Variants in SLC49A4 observed in about 807,000 individuals in gnomAD.
The protein encoded by SLC49A4 is disrupted in renal cancer protein 2.
SLC49A4 carries 36 observed loss-of-function variants against 50.6 expected under a neutral mutation model. The observed-to-expected ratio is 0.71, with a 90% CI of 0.55 to 0.94. SLC49A4 has a LOEUF of 0.94. Among genes scored for constraint, SLC49A4 ranks in the 40% least tolerant of loss-of-function variants. The pLI, the probability that SLC49A4 is intolerant of heterozygous loss-of-function variation, is 0.00. For synonymous variants in SLC49A4, 248 were observed against 241.2 expected (o/e 1.03, Z -0.26); for missense variants, 503 against 605.7 (o/e 0.83, Z 1.78).
rs576406645 is a variant in SLC49A4, at chr3:122,866,537, T to G, written c.1139-5878T>G. Among the ~76,000 whole-genome samples the G allele has an allele frequency of 4.6e-5, 7 of 152,252 alleles. No homozygotes were observed. The East Asian group carries it at 1.4e-3, about 29-fold the overall frequency. ...CTCCCACAAGAGAAGACATCACCTG[T>G]TTTGTTGTTAGCTCTGGGGCCTAGA... On this transcript the variant is annotated intron_variant, in intron 7 of 8. Transcript: ENST00000261038.
intron 5 of SLC49A4, among the ~76,000 whole-genome samples, chr3:122,854,954 G>T (rs551661807): frequency 1.3e-5 from 2 of 152,222 alleles, no homozygotes; most frequent in African/African-American, 4.8e-5. Flanking sequence ...TTAGCCGGGC[G>T]TGGTGGCGGG....
intron 2 of SLC49A4, among the ~76,000 whole-genome samples, chr3:122,824,730 CTTTTTTTT>C (rs71621693): frequency 1.2e-5 from 1 of 82,918 alleles, no homozygotes; most frequent in African/African-American, 4.5e-5. Flanking sequence ...TTTTTTCCTT[CTTTTTTTT>C]TTTTTTTTTT....
At chr3:122,845,235 TGTTA>T (rs1379002646) in intron 4 of SLC49A4, among the ~76,000 whole-genome samples, 3 of 152,138 alleles carry the variant, frequency 2.0e-5, no homozygotes, top group African/African-American at 7.2e-5. Context: ...TCTGTTCCTG[TGTTA>T]GTTTTCTTAG....
chr3:122,809,487 T>A (rs761407456), intron 2 of SLC49A4, among the ~76,000 whole-genome samples: 44 of 152,160 alleles, frequency 2.9e-4, no homozygotes, highest in Non-Finnish European at 5.1e-4. Flanking sequence ...TTTGGGAGGC[T>A]GAGACAGGTG....
In SLC49A4 at chr3:122,879,582, A is replaced by G. The variant is rs963043877; in HGVS notation, c.*204A>G. ...GACTTGAGTGATAATAGGGGATTTT[A>G]AAACTCTACAGATGGCATACCTGTG... On this transcript the variant is annotated 3_prime_UTR_variant, in exon 9 of 9. Coordinates refer to ENST00000261038, the MANE Select transcript of SLC49A4 (RefSeq NM_032839.3). The G allele has an allele frequency of 1.5e-5, 7 of 452,548 alleles. No homozygotes were observed. Among genetic ancestry groups the G allele is most frequent in the African/African-American group, 1.2e-4 (6 of 49,290 alleles). 28.0% of individuals were successfully genotyped at this position (452,548 alleles called of 1,614,324 possible). A position where few individuals can be genotyped will look rare whatever the true frequency, so the allele number is the denominator to read the frequency against.
intron 6 of SLC49A4, among the ~76,000 whole-genome samples, chr3:122,858,588 A>G (rs1306219784): frequency 6.6e-6 from 1 of 152,118 alleles, no homozygotes; most frequent in Admixed American, 6.6e-5. Context: ...ATTTTATTCT[A>G]GAAAACACAA....
intron 3 of SLC49A4, 49 bp downstream of exon 3, chr3:122,827,114 A>G (rs958718221): frequency 9.6e-6 from 15 of 1,566,782 alleles, no homozygotes; most frequent in African/African-American, 4.1e-5. Context: ...TTTTATCTCA[A>G]TCATCTTCAC....
At chr3:122,822,350 A>G (rs192220256) in intron 2 of SLC49A4, among the ~76,000 whole-genome samples, 2 of 152,320 alleles carry the variant, frequency 1.3e-5, no homozygotes, top group African/African-American at 4.8e-5. Context: ...GTGAAAGTGG[A>G]GAGACTTTTT....
chr3:122,802,199 G>A (rs1027292169), intron 1 of SLC49A4, among the ~76,000 whole-genome samples: 1 of 151,994 alleles, frequency 6.6e-6, no homozygotes, highest in Admixed American at 6.6e-5. Flanking sequence ...TAAAACAATG[G>A]TTTTCAAACA....
intron 7 of SLC49A4, 71 bp downstream of exon 7, chr3:122,860,273 A>T: frequency 7.4e-7 from 1 of 1,351,694 alleles, no homozygotes; most frequent in Admixed American, 2.8e-5. Flanking sequence ...CTCTGACAGT[A>T]GGACTTCTTC....
chr3:122,833,464 C>T lies in SLC49A4; in HGVS notation c.833+18C>T. On this transcript the variant is annotated intron_variant, in intron 4 of 8. Transcript: ENST00000261038. The stretch of plus-strand genomic sequence containing the variant: ...TTATTAAGGTAAATATACTGAGAGT[C>T]ACTGGATGGCTTTGACTGACACCTT... 2 of 1,604,856 alleles carry T rather than the reference C, an allele frequency of 1.2e-6. No homozygotes were observed. Among genetic ancestry groups the T allele is most frequent in the Middle Eastern group, 3.3e-4 (2 of 6,006 alleles).
At chr3:122,818,371 G>T (rs1936406458) in intron 2 of SLC49A4, among the ~76,000 whole-genome samples, 1 of 152,088 alleles carries the variant, frequency 6.6e-6, no homozygotes, top group Non-Finnish European at 1.5e-5. Context: ...AAAAACTGAA[G>T]AAAAGACTGG....
At chr3:122,802,417 T>C (rs977293705) in intron 1 of SLC49A4, among the ~76,000 whole-genome samples, 3 of 152,186 alleles carry the variant, frequency 2.0e-5, no homozygotes, top group Admixed American at 6.5e-5. Flanking sequence ...GAGGAAACTT[T>C]ACAGAGAATG....
chr3:122,803,035 A>C (rs1418150001), intron 1 of SLC49A4, among the ~76,000 whole-genome samples: 1 of 152,182 alleles, frequency 6.6e-6, no homozygotes, highest in Non-Finnish European at 1.5e-5. Context: ...AAATTGAAGA[A>C]ATAATGGCAG....
chr3:122,820,676 G>C (rs980814250), intron 2 of SLC49A4, among the ~76,000 whole-genome samples: 6 of 152,330 alleles, frequency 3.9e-5, no homozygotes, highest in Non-Finnish European at 8.8e-5. Flanking sequence ...CTGTGCACCA[G>C]CTCCATCCCA....
intron 2 of SLC49A4, among the ~76,000 whole-genome samples, chr3:122,815,304 G>T (rs974710799): frequency 6.6e-6 from 1 of 152,126 alleles, no homozygotes. Flanking sequence ...GGCCAGACTT[G>T]TCTTGAACTC....
intron 3 of SLC49A4, among the ~76,000 whole-genome samples, chr3:122,828,874 A>G (rs1167530133): frequency 6.6e-6 from 1 of 152,164 alleles, no homozygotes; most frequent in Non-Finnish European, 1.5e-5. Context: ...CTAAGCAATG[A>G]TTGTATTTTT....
intron 8 of SLC49A4, among the ~76,000 whole-genome samples, chr3:122,877,444 G>T (rs1233529448): frequency 6.6e-6 from 1 of 152,172 alleles, no homozygotes; most frequent in Admixed American, 6.5e-5. Flanking sequence ...CTATGTAGAA[G>T]AAATGATTTT....
At chr3:122,827,676 C>T (rs1936551840) in intron 3 of SLC49A4, among the ~76,000 whole-genome samples, 1 of 152,190 alleles carries the variant, frequency 6.6e-6, no homozygotes, top group Non-Finnish European at 1.5e-5. Flanking sequence ...CTCTCTATAT[C>T]CCTGTTTGTT....
Sources: gnomAD v4.1 joint callset for allele counts (sites outside exome capture counted in the v4.1 genomes callset) on GRCh38, gnomAD v4.1.1 for gene constraint, MANE v1.5 for transcripts, NCBI Gene and HGNC (gene_info 2026-07-23, HGNC 2026-07-21) for gene names.